GLIS3: variants seen among roughly 807,000 people sequenced by gnomAD.
The protein encoded by GLIS3 is GLIS family zinc finger 3.
Under a neutral mutation model 78.6 loss-of-function variants are expected in GLIS3, and 53 were observed. The observed-to-expected ratio is 0.67, with a 90% CI of 0.54 to 0.85. The LOEUF is 0.85. GLIS3 is among the 40% of genes least tolerant of loss of function. The pLI is 0.00. For missense variants in GLIS3, 1,703 were observed against 1,231.1 expected (o/e 1.38, Z -5.74); for synonymous variants, 684 against 509.9 (o/e 1.34, Z -4.60).
chr9:4,317,684 C>T (rs544182142), intron 2 of GLIS3, among the ~76,000 whole-genome samples: 1 of 152,168 alleles, frequency 6.6e-6, no homozygotes, highest in East Asian at 1.9e-4. Flanking sequence ...CAAAGGTGGT[C>T]TACAGAAAAA....
the GLIS3 span, among the ~76,000 whole-genome samples, chr9:4,453,284 A>T: frequency 6.7e-6 from 1 of 149,496 alleles, no homozygotes; most frequent in African/African-American, 2.4e-5. Flanking sequence ...ACCAAAAGCA[A>T]TGGCAACAAA....
the GLIS3 span, among the ~76,000 whole-genome samples, chr9:4,394,497 G>A: frequency 8.5e-5 from 13 of 152,192 alleles, no homozygotes; most frequent in South Asian, 1.5e-3. Flanking sequence ...TGAACAACAA[G>A]CACGGGAAAC....
At chr9:4,393,698 G>C in the GLIS3 span, among the ~76,000 whole-genome samples, 1 of 152,162 alleles carries the variant, frequency 6.6e-6, no homozygotes, top group Non-Finnish European at 1.5e-5. Context: ...ATTAGATTCA[G>C]GTTATGCATT....
chr9:4,274,367 C>T (rs368938086), intron 2 of GLIS3, among the ~76,000 whole-genome samples: 1 of 152,040 alleles, frequency 6.6e-6, no homozygotes, highest in African/African-American at 2.4e-5. Context: ...TTTTCATTTG[C>T]TACTTAACAT....
chr9:4,014,094 T>A (rs966178805), intron 4 of GLIS3, among the ~76,000 whole-genome samples: 5 of 152,176 alleles, frequency 3.3e-5, no homozygotes, highest in African/African-American at 1.2e-4. Context: ...ATAACCCGCA[T>A]GAACTCAACA....
intron 4 of GLIS3, among the ~76,000 whole-genome samples, chr9:3,984,136 G>T (rs971160388): frequency 2.0e-5 from 3 of 152,160 alleles, no homozygotes; most frequent in African/African-American, 7.2e-5. Flanking sequence ...TGATGTTGGA[G>T]CCCCCACACA....
intron 4 of GLIS3, among the ~76,000 whole-genome samples, chr9:4,041,477 C>T (rs1264067742): frequency 2.6e-5 from 4 of 152,190 alleles, no homozygotes; most frequent in African/African-American, 9.7e-5. Flanking sequence ...GGGTCAACTT[C>T]ATGGGCACCA....
chr9:3,869,266 G>GGTGTGTGTGT (rs58818313), intron 8 of GLIS3, among the ~76,000 whole-genome samples: 161 of 151,260 alleles, frequency 1.1e-3, no homozygotes, highest in Non-Finnish European at 2.0e-3. Flanking sequence ...AATTATCTAG[G>GGTGTGTGTGT]GTGTGTGTGT....
At chr9:3,862,473 C>G (rs1436920523) in intron 8 of GLIS3, among the ~76,000 whole-genome samples, 1 of 152,132 alleles carries the variant, frequency 6.6e-6, no homozygotes, top group Non-Finnish European at 1.5e-5. Flanking sequence ...TCGGGTAGGG[C>G]TCTTTCCCGT....
intron 4 of GLIS3, among the ~76,000 whole-genome samples, chr9:4,095,937 C>G (rs1275211685): frequency 6.7e-6 from 1 of 149,928 alleles, no homozygotes; most frequent in African/African-American, 2.5e-5. Context: ...AGGAATCAAA[C>G]CTAAATGGTT....
intron 6 of GLIS3, among the ~76,000 whole-genome samples, chr9:3,922,786 T>C (rs1480830543): frequency 6.6e-6 from 1 of 152,094 alleles, no homozygotes; most frequent in Non-Finnish European, 1.5e-5. Flanking sequence ...GAGAAAGAGA[T>C]GCATATCTCA....
At chr9:4,327,012 C>G (rs1284177226) in intron 2 of GLIS3, among the ~76,000 whole-genome samples, 2 of 152,184 alleles carry the variant, frequency 1.3e-5, no homozygotes, top group African/African-American at 4.8e-5. Flanking sequence ...AGATACACAG[C>G]TTAGAGTCAG....
At chr9:4,370,201 A>C in the GLIS3 span, among the ~76,000 whole-genome samples, 7 of 151,436 alleles carry the variant, frequency 4.6e-5, no homozygotes, top group Admixed American at 1.3e-4. Context: ...AAAAAAAAAA[A>C]AACAACCAAA....
At chr9:4,419,372 G>T in the GLIS3 span, among the ~76,000 whole-genome samples, 1 of 152,166 alleles carries the variant, frequency 6.6e-6, no homozygotes, top group African/African-American at 2.4e-5. Context: ...TCTGCAGGCT[G>T]TACAGGAAGC....
chr9:4,366,448 G>A, the GLIS3 span, among the ~76,000 whole-genome samples: 4 of 152,142 alleles, frequency 2.6e-5, no homozygotes, highest in Non-Finnish European at 4.4e-5. Context: ...CAAATAATTG[G>A]CTTGACTAGA....
chr9:4,036,356 T>G (rs1824307791), intron 4 of GLIS3, among the ~76,000 whole-genome samples: 1 of 152,190 alleles, frequency 6.6e-6, no homozygotes, highest in South Asian at 2.1e-4. Flanking sequence ...GTAGTTTTAC[T>G]ATTCTCTGCT....
chr9:4,162,597 C>T lies in GLIS3; in HGVS notation c.389-36656G>A, dbSNP rs984343838. 3.9e-5 allele frequency among the ~76,000 whole-genome samples: 6 copies of T among 152,146 alleles called. 1 individual carries two copies. Among genetic ancestry groups the T allele is most frequent in the South Asian group, 4.1e-4 (2 of 4,824 alleles). On this transcript the variant is annotated intron_variant, in intron 2 of 10. Transcript: ENST00000381971. Reference sequence around the variant, plus strand: ...ATCACTGGCCGGGTGCGGTGGCTCACGCCTGTAATCCCAGCACTTTGGGAG... The same window carrying T: ...ATCACTGGCCGGGTGCGGTGGCTCATGCCTGTAATCCCAGCACTTTGGGAG...
At chr9:4,469,288 A>G in the GLIS3 span, among the ~76,000 whole-genome samples, 1 of 152,192 alleles carries the variant, frequency 6.6e-6, no homozygotes. Context: ...AAGCAGACCT[A>G]ATAGACATCT....
At chr9:4,225,492 C>T (rs1252343873) in intron 2 of GLIS3, among the ~76,000 whole-genome samples, 1 of 152,086 alleles carries the variant, frequency 6.6e-6, no homozygotes, top group Non-Finnish European at 1.5e-5. Context: ...TGCAACCTAA[C>T]GAGGAACATA....
Sources: allele counts gnomAD v4.1 joint callset (sites outside exome capture counted in the v4.1 genomes callset), GRCh38; gene constraint gnomAD v4.1.1; transcripts MANE v1.5; gene names NCBI Gene and HGNC (gene_info 2026-07-23, HGNC 2026-07-21).